Variants in KIF5B observed in about 807,000 individuals in gnomAD.
KIF5B encodes the protein kinesin-1 heavy chain.
In KIF5B, 49 loss-of-function variants were observed where a neutral mutation model predicts 132.8. The ratio of observed to expected loss-of-function variants is 0.37; its 90% CI spans 0.29 to 0.47. The LOEUF (loss-of-function observed/expected upper bound fraction) is 0.47, where lower values mean the gene tolerates loss of function less well. Among genes scored for constraint, KIF5B ranks in the 20% least tolerant of loss-of-function variants. KIF5B has a pLI of 1.00. For missense variants in KIF5B, 780 were observed against 1,144.0 expected (o/e 0.68, Z 4.59); for synonymous variants, 355 against 369.4 (o/e 0.96, Z 0.45).
intron 2 of KIF5B, among the ~76,000 whole-genome samples, chr10:32,045,700 G>A (rs1476887724): frequency 6.6e-6 from 1 of 152,120 alleles, no homozygotes; most frequent in Non-Finnish European, 1.5e-5. Context: ...TAAAGACTAT[G>A]GTTGAACTAA....
intron 15 of KIF5B, 80 bp downstream of exon 15, chr10:32,028,348 A>C (rs1841358801): frequency 8.9e-7 from 1 of 1,128,612 alleles, no homozygotes; most frequent in Non-Finnish European, 1.3e-6. Context: ...ATACGAAAAG[A>C]ACTTTACAAA....
intron 2 of KIF5B, among the ~76,000 whole-genome samples, chr10:32,044,296 T>C (rs1359811107): frequency 6.6e-6 from 1 of 152,200 alleles, no homozygotes; most frequent in African/African-American, 2.4e-5. Flanking sequence ...AAGTCTAATT[T>C]TGTACAGTAG....
chr10:32,055,390 ATCTTTACTAAAG>A (rs1244495478), intron 1 of KIF5B, among the ~76,000 whole-genome samples: 2 of 152,212 alleles, frequency 1.3e-5, no homozygotes, highest in Admixed American at 1.3e-4. Context: ...AAAACTAAGC[ATCTTTACTAAAG>A]TACACTACGG....
Position 32,019,887 on chromosome 10 carries a change from C to G in KIF5B, c.2277G>C (p.Gln759His), listed in dbSNP as rs767874076. 1.2e-6 allele frequency: 2 copies of G among 1,610,686 alleles called. No individual in the cohort carries two copies. Among genetic ancestry groups the G allele is most frequent in the South Asian group, 2.2e-5 (2 of 90,420 alleles). ...VEHEKLKATD[Q>H]EKSRKLHELT... is the part of the protein sequence containing the mutation. ...GTTCATGTAGTTTTCTGCTCTTTTC[C>G]TGATCTGTGGCTTTCAACTTCTCAT... Residue 759 changes from glutamine to histidine, a missense_variant, in exon 20 of 26, where the codon CAG (glutamine) becomes CAC (histidine). Physicochemically the swap from Gln to His is conservative, Grantham distance 24. This residue lies in a region of KIF5B where 471 missense variants were observed against 569.9 expected (regional missense o/e 0.83). Coordinates refer to ENST00000302418, the MANE Select transcript of KIF5B (RefSeq NM_004521.3).
chr10:32,022,905 G>A lies in KIF5B; in HGVS notation c.1857C>T (p.Asn619=). The change falls in exon 16 of 26, where the codon AAC becomes AAT. Residue 619 remains asparagine (N), a synonymous_variant. Transcript: ENST00000302418. ...KQLESTQTES[N]KKMEENEKEL... ...CCTTTTCATTTTCTTCCATTTTTTT[G>A]TTGCTCTCAGTTTGTGTGCTTTCTA... The A allele has an allele frequency of 3.1e-6, 5 of 1,612,454 alleles. No individual in the cohort carries two copies. Among genetic ancestry groups the A allele is most frequent in the Non-Finnish European group, 4.2e-6 (5 of 1,179,232 alleles).
At chr10:32,023,678 C>T (rs1341137298) in intron 15 of KIF5B, among the ~76,000 whole-genome samples, 2 of 152,108 alleles carry the variant, frequency 1.3e-5, no homozygotes, top group African/African-American at 4.8e-5. Context: ...AACAGATAAA[C>T]AGGTTAACAG....
Position 32,017,425 on chromosome 10 carries a change from T to C in KIF5B, c.2545-66A>G, listed in dbSNP as rs1841188731. The C allele has an allele frequency of 3.3e-6, 4 of 1,221,670 alleles. No homozygotes were observed. In the African/African-American group the frequency reaches 6.1e-5, roughly 19 times the overall value. 75.7% of individuals were successfully genotyped at this position (1,221,670 alleles called of 1,614,324 possible). A position where few individuals can be genotyped will look rare whatever the true frequency, so the allele number is the denominator to read the frequency against. Reference sequence around the variant, plus strand: ...GGATGACTTGAAAAAGTATGAGCATTTCATAATTGCTCTTTAGAAAAGTAA... The same window carrying C: ...GGATGACTTGAAAAAGTATGAGCATCTCATAATTGCTCTTTAGAAAAGTAA... On this transcript the variant is annotated intron_variant, in intron 23 of 25. Coordinates refer to ENST00000302418, the MANE Select transcript of KIF5B (RefSeq NM_004521.3).
chr10:32,022,999 G>A lies in KIF5B; in HGVS notation c.1763C>T (p.Thr588Ile). Residue 588 changes from threonine to isoleucine, a missense_variant, in exon 16 of 26, where the codon ACT becomes ATT. By Grantham distance (89) the Thr-to-Ile change is moderately conservative (BLOSUM62 -1). This residue lies in a region of KIF5B where 471 missense variants were observed against 569.9 expected (regional missense o/e 0.83). Transcript: ENST00000302418. ...EGTGMIDEEF[T>I]VARLYISKMK... ...TTTGCTAATGTAGAGTCTTGCAACA[G>A]TGAACTCTTCATCTATCATGCCAGT... 6.2e-7 allele frequency: 1 copy of A among 1,609,398 alleles called. No individual in the cohort carries two copies. Among genetic ancestry groups the A allele is most frequent in the Non-Finnish European group, 8.5e-7 (1 of 1,177,184 alleles).
intron 19 of KIF5B, 106 bp from the exon 20 acceptor site, chr10:32,020,065 T>G: frequency 1.3e-6 from 1 of 751,144 alleles, no homozygotes; most frequent in Non-Finnish European, 2.2e-6. Flanking sequence ...TCAAGGACTT[T>G]TCTGTTATCC....
At chr10:32,036,490 G>A (rs949544951) in intron 8 of KIF5B, among the ~76,000 whole-genome samples, 5 of 151,948 alleles carry the variant, frequency 3.3e-5, no homozygotes, top group Non-Finnish European at 7.4e-5. Context: ...CTTGATCCCA[G>A]CTCACTGCAA....
rs1201897865 is a variant in KIF5B at position 32,053,393 on chromosome 10, C to G, written c.126+2455G>C. ...TTTCATTTTTTAAGGCTATGTTATT[C>G]AGTTGTAATGTATTTTTGGTTACAC... is the stretch of plus-strand genomic sequence containing the variant. On this transcript the variant is annotated intron_variant, in intron 1 of 25. Transcript: ENST00000302418. 9.4e-5 allele frequency among the ~76,000 whole-genome samples: 14 copies of G among 148,774 alleles called. No individual in the cohort carries two copies. The East Asian group carries it at 2.8e-3, about 29-fold the overall frequency.
chr10:32,034,194 T>C (rs1841436316), intron 11 of KIF5B, among the ~76,000 whole-genome samples, 156 bp from the exon 12 acceptor site: 1 of 151,154 alleles, frequency 6.6e-6, no homozygotes, highest in South Asian at 2.1e-4. Context: ...CACTGCAACC[T>C]CTGCCTCCAG....
chr10:32,038,796 T>A lies in KIF5B; in HGVS notation c.424A>T (p.Ile142Leu). Residue 142 changes from isoleucine (I) to leucine (L), a missense_variant, in exon 5 of 26, where the codon ATA (isoleucine) becomes TTA (leucine). Ile to Leu is a conservative substitution (Grantham distance 5). Around this residue, in one of 9 missense-constraint regions of KIF5B, gnomAD observed 76 missense variants for 146.4 expected, o/e 0.52. Coordinates refer to ENST00000302418, the MANE Select transcript of KIF5B (RefSeq NM_004521.3). Reference protein sequence around the residue: ...VSYFEIYLDKIRDLLDVSKTN... With the variant: ...VSYFEIYLDKLRDLLDVSKTN... ...AACTTACCATCTAACAGGTCCCTTATCTTATCCAAATATATTTCAAAATAT... is the reference window on the plus strand; with the variant it reads ...AACTTACCATCTAACAGGTCCCTTAACTTATCCAAATATATTTCAAAATAT... 1 of 1,496,320 alleles carries A rather than the reference T, an allele frequency of 6.7e-7. No homozygotes were observed. The highest frequency in any genetic ancestry group is 9.2e-7 in the Non-Finnish European group (1 of 1,081,952). The allele number at this position is 1,496,320 out of a possible 1,614,324, so 92.7% of individuals were successfully genotyped here.
In KIF5B at chr10:32,033,974, C is replaced by T. The variant is rs1022721257; in HGVS notation, c.1176G>A (p.Val392=). ...CATTGGTAAGAGTAATATCTTTATCCACTGTGAAAGCTTCCAAGTTGGCTT... is the reference window on the plus strand; with the variant it reads ...CATTGGTAAGAGTAATATCTTTATCTACTGTGAAAGCTTCCAAGTTGGCTT... ...KEKANLEAFT[V]DKDITLTNDK... Residue 392 remains valine (V), a synonymous_variant, in exon 12 of 26, where the codon GTG becomes GTA. Coordinates refer to ENST00000302418, the MANE Select transcript of KIF5B (RefSeq NM_004521.3). 1 of 1,609,500 alleles carries T rather than the reference C, an allele frequency of 6.2e-7. No individual in the cohort carries two copies. Among genetic ancestry groups the T allele is most frequent in the African/African-American group, 1.3e-5 (1 of 74,742 alleles).
intron 5 of KIF5B, 56 bp downstream of exon 5, chr10:32,038,721 TA>T: frequency 5.2e-6 from 5 of 969,220 alleles, no homozygotes; most frequent in Non-Finnish European, 8.0e-6. Flanking sequence ...TCACATCTAT[TA>T]TTAAAAAGGA....
intron 9 of KIF5B, 75 bp from the exon 10 acceptor site, chr10:32,035,742 A>AACT: frequency 6.9e-7 from 1 of 1,447,520 alleles, no homozygotes; most frequent in Non-Finnish European, 9.4e-7. Context: ...CCCAAAAGAC[A>AACT]ACTAACTTAC....
rs764052480 is a variant in KIF5B, at chr10:32,038,171, A to G, written c.490T>C (p.Tyr164His). The G allele has an allele frequency of 3.1e-5, 50 of 1,596,312 alleles. No individual in the cohort carries two copies. Among genetic ancestry groups the G allele is most frequent in the Non-Finnish European group, 4.1e-5 (48 of 1,165,212 alleles). The change falls in exon 6 of 26, where the codon TAT (tyrosine) becomes CAT (histidine). Residue 164 changes from tyrosine to histidine, a missense_variant. Transcript: ENST00000302418. ...SVHEDKNRVP[Y>H]VKGCTERFVC... ...AACTGTACTATAAATACCTTTACAT[A>G]GGGAACTCGGTTTTTGTCTTCATGA... is the stretch of plus-strand genomic sequence containing the variant.
intron 1 of KIF5B, among the ~76,000 whole-genome samples, chr10:32,050,997 GAT>G (rs1841687482): frequency 6.6e-6 from 1 of 152,166 alleles, no homozygotes; most frequent in Non-Finnish European, 1.5e-5. Flanking sequence ...TGACTATAAA[GAT>G]ATGAGATATT....
chr10:32,034,904 A>G, intron 10 of KIF5B, 66 bp from the exon 11 acceptor site: 1 of 1,251,694 alleles, frequency 8.0e-7, no homozygotes, highest in Non-Finnish European at 1.1e-6. Context: ...ATCTATATGG[A>G]ATATATGTAT....
Sources: gnomAD v4.1 joint callset for allele counts (sites outside exome capture counted in the v4.1 genomes callset) on GRCh38, gnomAD v4.1.1 for gene constraint, gnomAD v4.1.1 regional missense constraint, MANE v1.5 for transcripts, NCBI Gene and HGNC (gene_info 2026-07-23, HGNC 2026-07-21) for gene names.